The following RPN2 variants were observed in gnomAD, a reference collection of about 807,000 sequenced individuals.
RPN2 encodes the protein dolichyl-diphosphooligosaccharide--protein glycosyltransferase subunit 2.
RPN2 carries 29 observed loss-of-function variants against 71.4 expected under a neutral mutation model. The observed-to-expected ratio is 0.41, with a 90% CI of 0.30 to 0.55. The LOEUF (loss-of-function observed/expected upper bound fraction) is 0.55, where lower values mean the gene tolerates loss of function less well. RPN2 is among the 20% of genes least tolerant of loss of function. RPN2 has a pLI of 0.35. For synonymous variants in RPN2, 308 were observed against 305.0 expected (o/e 1.01, Z -0.10); for missense variants, 726 against 774.1 (o/e 0.94, Z 0.74).
chr20:37,191,802 C>T (rs1201261051), intron 2 of RPN2, among the ~76,000 whole-genome samples: 1 of 152,138 alleles, frequency 6.6e-6, no homozygotes, highest in Non-Finnish European at 1.5e-5. Context: ...TAAGAACATG[C>T]TGGGCACAGT....
intron 13 of RPN2, among the ~76,000 whole-genome samples, chr20:37,231,717 A>AAAAAAAG (rs765848889): frequency 6.6e-6 from 1 of 151,764 alleles, no homozygotes; most frequent in African/African-American, 2.4e-5. Context: ...GTCTCTTTAA[A>AAAAAAAG]AAAAAGAAAA....
In RPN2 at chr20:37,229,999, G is replaced by A; in HGVS notation, c.1521G>A (p.Glu507=). The A allele has an allele frequency of 6.2e-7, 1 of 1,614,124 alleles. No individual in the cohort carries two copies. The highest frequency in any genetic ancestry group is 8.5e-7 in the Non-Finnish European group (1 of 1,180,008). ...CTGATGTGGTCATCAAGTTCCCTGAGGAAGAAGCTCCCTCGACTGTCTTGT... is the reference window on the plus strand; with the variant it reads ...CTGATGTGGTCATCAAGTTCCCTGAAGAAGAAGCTCCCTCGACTGTCTTGT... ...NVADVVIKFP[E]EEAPSTVLSQ... The change falls in exon 13 of 17, where the codon GAG becomes GAA. Residue 507 remains glutamate, a synonymous_variant. Coordinates refer to ENST00000237530, the MANE Select transcript of RPN2 (RefSeq NM_002951.5).
rs756522269 is a variant in RPN2 at position 37,184,245 on chromosome 20, C to G, written c.79C>G (p.His27Asp). The G allele has an allele frequency of 1.9e-6, 3 of 1,614,104 alleles. No homozygotes were observed. In the African/African-American group the frequency reaches 4.0e-5, roughly 22 times the overall value. Residue 27 changes from histidine (H) to aspartate (D), a missense_variant, in exon 2 of 17, where the codon CAC becomes GAC. Coordinates refer to ENST00000237530, the MANE Select transcript of RPN2 (RefSeq NM_002951.5). The part of the protein sequence containing the change: ...IASTWALTPT[H>D]YLTKHDVERL... ...CAGCACCTGGGCTCTGACGCCCACT[C>G]ACTACCTCACCAAGCATGACGTGGA... is the stretch of plus-strand genomic sequence containing the variant.
chr20:37,219,563 A>G (rs1467781203), intron 9 of RPN2, among the ~76,000 whole-genome samples: 2 of 152,142 alleles, frequency 1.3e-5, no homozygotes, highest in African/African-American at 4.8e-5. Context: ...AAAAATCTTA[A>G]TTTTGATGAA....
chr20:37,234,691 T>TTC (rs2068338230), intron 15 of RPN2, among the ~76,000 whole-genome samples: 1 of 151,554 alleles, frequency 6.6e-6, no homozygotes, highest in South Asian at 2.1e-4. Context: ...CGTTGTTTTT[T>TTC]TTTTTTTGAG....
chr20:37,219,476 A>G (rs1352194061), intron 9 of RPN2, among the ~76,000 whole-genome samples: 1 of 152,152 alleles, frequency 6.6e-6, no homozygotes, highest in African/African-American at 2.4e-5. Flanking sequence ...TTCCTTATTA[A>G]ATACATGATT....
chr20:37,191,194 C>G (rs771507435), intron 2 of RPN2, among the ~76,000 whole-genome samples: 1 of 151,990 alleles, frequency 6.6e-6, no homozygotes, highest in Non-Finnish European at 1.5e-5. Flanking sequence ...GTGTGAGCAT[C>G]GGCTGGGTGC....
chr20:37,188,723 TC>T (rs2067070806), intron 2 of RPN2, among the ~76,000 whole-genome samples: 1 of 151,668 alleles, frequency 6.6e-6, no homozygotes, highest in South Asian at 2.1e-4. Flanking sequence ...ACTCAGGTGA[TC>T]CTTCACCTCT....
At chr20:37,238,184 G>T in intron 16 of RPN2, among the ~76,000 whole-genome samples, 1 of 152,102 alleles carries the variant, frequency 6.6e-6, no homozygotes. Context: ...ATCCCAGAAG[G>T]ATCAGTAACT....
chr20:37,229,265 C>T (rs148503977), intron 12 of RPN2, among the ~76,000 whole-genome samples: 6 of 152,224 alleles, frequency 3.9e-5, no homozygotes, highest in Admixed American at 2.0e-4. Context: ...TTTGGATTGG[C>T]GTGATGAGAG....
chr20:37,238,342 T>G, intron 16 of RPN2: 1 of 1,319,398 alleles, frequency 7.6e-7, no homozygotes, highest in Non-Finnish European at 1.1e-6. Context: ...ATTTCTTTCC[T>G]CAGCTGATTT....
chr20:37,189,247 C>G (rs1490870953), intron 2 of RPN2, among the ~76,000 whole-genome samples: 1 of 151,884 alleles, frequency 6.6e-6, no homozygotes, highest in African/African-American at 2.4e-5. Context: ...TGATATCTTT[C>G]AATCCATTTC....
intron 13 of RPN2, among the ~76,000 whole-genome samples, chr20:37,231,605 A>G (rs2068249178): frequency 6.6e-6 from 1 of 151,938 alleles, no homozygotes; most frequent in African/African-American, 2.4e-5. Context: ...CCAACTACTC[A>G]GGAGGCTAAG....
chr20:37,232,212 A>G (rs2068266432), intron 13 of RPN2, 84 bp from the exon 14 acceptor site: 5 of 1,538,016 alleles, frequency 3.3e-6, no homozygotes, highest in Admixed American at 1.7e-5. Context: ...CATGACTGAC[A>G]TTGATGCTTT....
At chr20:37,179,469 G>T in intron 1 of RPN2, 100 bp downstream of exon 1, 1 of 1,416,604 alleles carries the variant, frequency 7.1e-7, no homozygotes, top group Non-Finnish European at 9.3e-7. Context: ...TTCCCCTGCG[G>T]GACAGGGGCA....
intron 1 of RPN2, chr20:37,179,676 G>A: frequency 2.5e-6 from 1 of 395,574 alleles, no homozygotes; most frequent in Non-Finnish European, 4.1e-6. Flanking sequence ...TTTCACTCGC[G>A]CGGGCTTCTG....
At chr20:37,182,089 T>A (rs186995764) in intron 1 of RPN2, among the ~76,000 whole-genome samples, 19 of 151,994 alleles carry the variant, frequency 1.3e-4, no homozygotes, top group South Asian at 6.2e-4. Context: ...AATTTAATTT[T>A]ATTTATTTAT....
intron 12 of RPN2, among the ~76,000 whole-genome samples, chr20:37,229,497 G>C (rs1039410466): frequency 6.6e-6 from 1 of 152,166 alleles, no homozygotes; most frequent in African/African-American, 2.4e-5. Flanking sequence ...TGCAGGCTTT[G>C]AATGGTGGTT....
chr20:37,231,376 CA>C (rs201796625), intron 13 of RPN2, among the ~76,000 whole-genome samples: 7 of 147,968 alleles, frequency 4.7e-5, no homozygotes, highest in South Asian at 2.1e-4. Flanking sequence ...AAACAAAAAA[CA>C]AAAAAAAAAC....
Sources: allele counts gnomAD v4.1 joint callset (sites outside exome capture counted in the v4.1 genomes callset), GRCh38; gene constraint gnomAD v4.1.1; transcripts MANE v1.5; gene names NCBI Gene and HGNC (gene_info 2026-07-23, HGNC 2026-07-21).